Variants in WDR72 observed in about 807,000 individuals in gnomAD.
WDR72 encodes WD repeat domain 72.
Under a neutral mutation model 124.2 loss-of-function variants are expected in WDR72, and 120 were observed. That is an observed-to-expected ratio of 0.97 (90% CI 0.83 to 1.12). WDR72 has a LOEUF of 1.12. WDR72 is among the 50% of genes most tolerant of loss of function. The pLI is 0.00. For missense variants in WDR72, 1,387 were observed against 1,278.8 expected, an observed-to-expected ratio of 1.08 and a Z score of -1.29; for synonymous variants, 452 against 441.7, an observed-to-expected ratio of 1.02 and a Z score of -0.29.
chr15:53,534,163 A>AAT (rs1050062254), intron 18 of WDR72, among the ~76,000 whole-genome samples: 13 of 152,114 alleles, frequency 8.5e-5, no homozygotes, highest in African/African-American at 3.1e-4. Flanking sequence ...GACACCAGGA[A>AAT]ATTTATAGAT....
rs1450963457 is a variant in WDR72, at chr15:53,545,378, T to G, written c.3149-22056A>C. Among the ~76,000 whole-genome samples, 2 of 149,448 alleles carry G rather than the reference T, an allele frequency of 1.3e-5. 1 individual carries two copies. The highest frequency in any genetic ancestry group is 5.0e-5 in the African/African-American group (2 of 40,184). On this transcript the variant is annotated intron_variant, in intron 18 of 19. Coordinates refer to ENST00000360509, the MANE Select transcript of WDR72 (RefSeq NM_182758.4). ...ACGCCGCATATCTGCAACTATCTGA[T>G]CTTTGACAAACCTGAGAAAAACAAG...
intron 13 of WDR72, among the ~76,000 whole-genome samples, chr15:53,687,127 C>CA (rs2016663020): frequency 6.7e-6 from 1 of 149,104 alleles, no homozygotes; most frequent in African/African-American, 2.5e-5. Context: ...CCAAAATTGA[C>CA]ACCCTAACAT....
chr15:53,618,875 G>A (rs554931184), intron 14 of WDR72, among the ~76,000 whole-genome samples: 129 of 152,042 alleles, frequency 8.5e-4, no homozygotes, highest in African/African-American at 3.0e-3. Context: ...ACTCTGATCA[G>A]GTATTTGCCA....
At chr15:53,645,142 C>A (rs1487703728) in intron 14 of WDR72, among the ~76,000 whole-genome samples, 1 of 152,120 alleles carries the variant, frequency 6.6e-6, no homozygotes, top group African/African-American at 2.4e-5. Flanking sequence ...TATATCAGCC[C>A]TGATGCTCCA....
intron 18 of WDR72, among the ~76,000 whole-genome samples, chr15:53,551,088 G>A (rs1893709064): frequency 6.6e-6 from 1 of 152,094 alleles, no homozygotes; most frequent in Admixed American, 6.6e-5. Context: ...TAGGTGAAGA[G>A]TAGGCAATGG....
chr15:53,580,141 T>C (rs1311087868), intron 18 of WDR72, among the ~76,000 whole-genome samples: 1 of 152,088 alleles, frequency 6.6e-6, no homozygotes, highest in Non-Finnish European at 1.5e-5. Flanking sequence ...TTGCAGCTGA[T>C]TGACAGAATT....
intron 18 of WDR72, among the ~76,000 whole-genome samples, chr15:53,595,565 G>T (rs1366298307): frequency 6.6e-6 from 1 of 152,120 alleles, no homozygotes; most frequent in Non-Finnish European, 1.5e-5. Context: ...GAACAAGGTA[G>T]GCTCTCAAAA....
At chr15:53,706,473 G>T (rs2017383706) in intron 9 of WDR72, among the ~76,000 whole-genome samples, 1 of 147,752 alleles carries the variant, frequency 6.8e-6, no homozygotes, top group Non-Finnish European at 1.5e-5. Context: ...TATAAAATTG[G>T]TACTATCATT....
intron 13 of WDR72, among the ~76,000 whole-genome samples, chr15:53,688,974 C>T (rs1319579088): frequency 6.6e-6 from 1 of 152,294 alleles, no homozygotes; most frequent in East Asian, 1.9e-4. Context: ...AAAGGATTCC[C>T]TATTTAATAA....
At chr15:53,665,163 A>G (rs987188185) in intron 14 of WDR72, among the ~76,000 whole-genome samples, 2 of 152,170 alleles carry the variant, frequency 1.3e-5, no homozygotes, top group African/African-American at 2.4e-5. Flanking sequence ...TGGTTATATC[A>G]AAAGAATTAT....
chr15:53,623,214 C>A (rs941262393), intron 14 of WDR72, among the ~76,000 whole-genome samples: 3 of 151,878 alleles, frequency 2.0e-5, no homozygotes, highest in East Asian at 3.9e-4. Flanking sequence ...ATCCCAACAC[C>A]CAGGTACTGA....
chr15:53,702,110 GT>G (rs1567036865), intron 12 of WDR72, 23 bp downstream of exon 12: 1 of 1,556,222 alleles, frequency 6.4e-7, no homozygotes, highest in South Asian at 1.2e-5. Flanking sequence ...AAATTTAGAT[GT>G]TATATTTTAC....
At chr15:53,567,317 T>C (rs950155763) in intron 18 of WDR72, among the ~76,000 whole-genome samples, 3 of 151,966 alleles carry the variant, frequency 2.0e-5, no homozygotes, top group African/African-American at 4.8e-5. Flanking sequence ...TAATATGTAG[T>C]TCATACAATA....
intron 1 of WDR72, among the ~76,000 whole-genome samples, chr15:53,738,433 A>G (rs1253453129): frequency 1.3e-5 from 2 of 152,166 alleles, no homozygotes; most frequent in South Asian, 4.1e-4. Flanking sequence ...AAGTTTGATA[A>G]GGAAGGCCCT....
chr15:53,541,341 C>A (rs1476402203), intron 18 of WDR72, among the ~76,000 whole-genome samples: 1 of 152,030 alleles, frequency 6.6e-6, no homozygotes, highest in Non-Finnish European at 1.5e-5. Context: ...GACCCCTGAC[C>A]CCCGAGCAGC....
intron 18 of WDR72, among the ~76,000 whole-genome samples, chr15:53,544,735 G>A (rs2140267221): frequency 6.7e-6 from 1 of 148,214 alleles, no homozygotes; most frequent in South Asian, 2.1e-4. Context: ...CCTGTTTGCA[G>A]ACGACATGAC....
At chr15:53,625,441 T>C (rs1211348757) in intron 14 of WDR72, among the ~76,000 whole-genome samples, 3 of 152,206 alleles carry the variant, frequency 2.0e-5, no homozygotes, top group African/African-American at 7.2e-5. Context: ...TTGTTTACAA[T>C]TGGTAAAGCA....
intron 13 of WDR72, among the ~76,000 whole-genome samples, chr15:53,690,936 C>A (rs1012698798): frequency 6.6e-6 from 1 of 152,074 alleles, no homozygotes; most frequent in African/African-American, 2.4e-5. Context: ...TACAAGGGTT[C>A]CTATTTTCTC....
intron 13 of WDR72, among the ~76,000 whole-genome samples, chr15:53,694,862 C>T (rs893212675): frequency 2.0e-5 from 3 of 152,090 alleles, no homozygotes; most frequent in African/African-American, 7.2e-5. Flanking sequence ...TTAAAAAGAA[C>T]AATCATCATT....
Sources: gnomAD v4.1 joint callset for allele counts (sites outside exome capture counted in the v4.1 genomes callset) on GRCh38, gnomAD v4.1.1 for gene constraint, MANE v1.5 for transcripts, NCBI Gene and HGNC (gene_info 2026-07-23, HGNC 2026-07-21) for gene names.